GUCA2B: variants seen among roughly 807,000 people sequenced by gnomAD.
The protein encoded by GUCA2B is prepro-uroguanylin.
A neutral mutation model predicts 11.1 loss-of-function variants in GUCA2B; 7 were observed. The observed-to-expected ratio is 0.63, with a 90% CI of 0.36 to 1.18. The LOEUF (loss-of-function observed/expected upper bound fraction) is 1.18. GUCA2B is among the 50% of genes most tolerant of loss of function. GUCA2B has a pLI of 0.02. For missense variants in GUCA2B, 140 were observed against 142.5 expected, an observed-to-expected ratio of 0.98 and a Z score of 0.09; for synonymous variants, 69 against 65.3, an observed-to-expected ratio of 1.06 and a Z score of -0.27.
chr1:42,154,578 C>A, intron 1 of GUCA2B, 102 bp from the exon 2 acceptor site: 1 of 918,596 alleles, frequency 1.1e-6, no homozygotes, highest in South Asian at 1.4e-5. Flanking sequence ...ACGGGGAAGG[C>A]TCTGGAGGAT....
In GUCA2B at chr1:42,154,875, C is replaced by G. The variant is rs759757198; in HGVS notation, c.277+9C>G. 9.4e-6 allele frequency: 15 copies of G among 1,601,518 alleles called. No homozygotes were observed. In the East Asian group the frequency reaches 3.1e-4, roughly 33 times the overall value. On this transcript the variant is annotated intron_variant, in intron 2 of 2. Transcript: ENST00000372581. ...CATCTTCAAGACCCTGAGTAAGTGC[C>G]CCCGCTCCCTGCAGAACCTCGCTCT...
In GUCA2B at chr1:42,155,220, G is replaced by A. The variant is rs375844498; in HGVS notation, c.278-315G>A. On this transcript the variant is annotated intron_variant, in intron 2 of 2. Coordinates refer to ENST00000372581, the MANE Select transcript of GUCA2B (RefSeq NM_007102.3). ...TGAGGGATCGTGCAGAGCCAGGCAC[G>A]AGAATGTAGCAACTAGCTAGCACTT... Among the ~76,000 whole-genome samples, 61 of 152,318 alleles carry A rather than the reference G, an allele frequency of 4.0e-4. No homozygotes were observed. The South Asian group carries it at 0.011, about 28-fold the overall frequency.
rs1280104258 is a variant in GUCA2B at position 42,153,487 on chromosome 1, G to A, written c.37G>A (p.Val13Met). Residue 13 changes from valine (V) to methionine (M), a missense_variant, in exon 1 of 3, where the codon GTG becomes ATG. By Grantham distance (21) the Val-to-Met change is conservative. Coordinates refer to ENST00000372581, the MANE Select transcript of GUCA2B (RefSeq NM_007102.3). The stretch of plus-strand genomic sequence containing the variant: ...GGCTGCATCAGGGCTCCTGCCAGGA[G>A]TGGCCGTGGTCCTCCTGCTGCTGCT... ...CRAASGLLPG[V>M]AVVLLLLLQS... 6.2e-7 allele frequency: 1 copy of A among 1,612,940 alleles called. No individual in the cohort carries two copies. The highest frequency in any genetic ancestry group is 1.7e-5 in the Admixed American group (1 of 60,034).
chr1:42,155,650 A>G lies in GUCA2B; in HGVS notation c.*54A>G, dbSNP rs1569691801. On this transcript the variant is annotated 3_prime_UTR_variant, in exon 3 of 3. Transcript: ENST00000372581. ...GGGACACCTCGCCCTTCAGCCCACC[A>G]CCCTGGCAGGCTTCCATCCCCGTCC... is the stretch of plus-strand genomic sequence containing the variant. The G allele has an allele frequency of 1.5e-6, 2 of 1,368,626 alleles. No homozygotes were observed. The highest frequency in any genetic ancestry group is 1.4e-5 in the African/African-American group (1 of 70,366). 84.8% of individuals were successfully genotyped at this position (1,368,626 alleles called of 1,614,324 possible). A position where few individuals can be genotyped will look rare whatever the true frequency, so the allele number is the denominator to read the frequency against.
At chr1:42,155,479 G>T (rs1646104775) in intron 2 of GUCA2B, 56 bp from the exon 3 acceptor site, 6 of 1,398,470 alleles carry the variant, frequency 4.3e-6, no homozygotes, top group Non-Finnish European at 6.1e-6. Flanking sequence ...CTCTTCTGCT[G>T]CCTGGCCACA....
chr1:42,155,439 G>A (rs1022091200), intron 2 of GUCA2B, 96 bp from the exon 3 acceptor site: 2 of 959,764 alleles, frequency 2.1e-6, no homozygotes, highest in African/African-American at 1.6e-5. Context: ...CTCCCAGTCT[G>A]TGGAAGATGC....
At position 42,153,416 on chromosome 1, in the gene GUCA2B, C is replaced by A; in HGVS notation, c.-35C>A. On this transcript the variant is annotated 5_prime_UTR_variant, in exon 1 of 3. Coordinates refer to ENST00000372581, the MANE Select transcript of GUCA2B (RefSeq NM_007102.3). ...GCTAGGCAGGGACACAGATGGGAGACGGTGGACAGCGGCAGGGGGAACCCA... is the reference window on the plus strand; with the variant it reads ...GCTAGGCAGGGACACAGATGGGAGAAGGTGGACAGCGGCAGGGGGAACCCA... The A allele has an allele frequency of 2.0e-6, 3 of 1,474,370 alleles. No individual in the cohort carries two copies. Among genetic ancestry groups the A allele is most frequent in the Non-Finnish European group, 2.8e-6 (3 of 1,059,410 alleles). The allele number at this position is 1,474,370 out of a possible 1,614,324, so 91.3% of individuals were successfully genotyped here. A position where few individuals can be genotyped will look rare whatever the true frequency, so the allele number is the denominator to read the frequency against.
intron 1 of GUCA2B, 21 bp downstream of exon 1, chr1:42,153,561 T>C: frequency 6.4e-7 from 1 of 1,553,252 alleles, no homozygotes; most frequent in Non-Finnish European, 8.9e-7. Context: ...TGGCCAGCGT[T>C]CCCTTTGCCT....
intron 1 of GUCA2B, 39 bp from the exon 2 acceptor site, chr1:42,154,641 G>T: frequency 1.9e-6 from 3 of 1,560,304 alleles, no homozygotes; most frequent in Non-Finnish European, 2.7e-6. Context: ...CCCTGGACCA[G>T]GTCTTGACCT....
intron 1 of GUCA2B, 49 bp from the exon 2 acceptor site, chr1:42,154,631 C>A (rs1230698672): frequency 6.7e-7 from 1 of 1,486,808 alleles, no homozygotes; most frequent in African/African-American, 1.4e-5. Context: ...CAGTGCCTGC[C>A]CCTGGACCAG....
At chr1:42,153,886 A>G (rs1023998775) in intron 1 of GUCA2B, among the ~76,000 whole-genome samples, 38 of 152,322 alleles carry the variant, frequency 2.5e-4, no homozygotes, top group African/African-American at 8.7e-4. Context: ...AGTTCCGTAT[A>G]TTCACCCACA....
chr1:42,155,449 C>T (rs1646104667), intron 2 of GUCA2B, 86 bp from the exon 3 acceptor site: 2 of 1,041,198 alleles, frequency 1.9e-6, no homozygotes, highest in Admixed American at 3.4e-5. Flanking sequence ...GTGGAAGATG[C>T]CGCCCATTCC....
rs145598813 is a variant in GUCA2B at position 42,155,563 on chromosome 1, G to C, written c.306G>C (p.Leu102=). 19 of 1,613,896 alleles carry C rather than the reference G, an allele frequency of 1.2e-5. 1 individual carries two copies. The highest frequency in any genetic ancestry group is 1.5e-5 in the Non-Finnish European group (18 of 1,179,898). Residue 102 remains leucine (L), a synonymous_variant, in exon 3 of 3, where the codon CTG becomes CTC. Coordinates refer to ENST00000372581, the MANE Select transcript of GUCA2B (RefSeq NM_007102.3). The stretch of plus-strand genomic sequence containing the variant: ...CCATCGCTAACGACGACTGTGAGCT[G>C]TGTGTGAACGTTGCGTGTACCGGCT... The part of the protein sequence containing the change: ...LRTIANDDCE[L]CVNVACTGCL
intron 1 of GUCA2B, 69 bp downstream of exon 1, chr1:42,153,609 G>A (rs903627932): frequency 3.4e-6 from 4 of 1,170,598 alleles, no homozygotes; most frequent in Admixed American, 1.8e-5. Flanking sequence ...TGGAGAGGGT[G>A]TACTGGGAAT....
At chr1:42,155,333 G>A (rs1281542906) in intron 2 of GUCA2B, among the ~76,000 whole-genome samples, 1 of 152,228 alleles carries the variant, frequency 6.6e-6, no homozygotes, top group African/African-American at 2.4e-5. Context: ...AGAAATCTCA[G>A]GCACAGGGAG....
Position 42,154,823 on chromosome 1 carries a change from T to C in GUCA2B, c.234T>C (p.Pro78=), listed in dbSNP as rs779795049. Residue 78 remains proline (P), a synonymous_variant, in exon 2 of 3, where the codon CCT becomes CCC. Coordinates refer to ENST00000372581, the MANE Select transcript of GUCA2B (RefSeq NM_007102.3). ...CTGCTCTGCCTCAGGACCTTCAGCC[T>C]GTCTGCGCCTCGCAGGAGGCTTCCA... The part of the protein sequence containing the change: ...HHPALPQDLQ[P]VCASQEASSI... 8.7e-6 allele frequency: 14 copies of C among 1,614,008 alleles called. No individual in the cohort carries two copies. The highest frequency in any genetic ancestry group is 1.7e-5 in the Admixed American group (1 of 60,014).
Position 42,154,752 on chromosome 1 carries a change from C to G in GUCA2B, c.163C>G (p.Pro55Ala). The change falls in exon 2 of 3, where the codon CCC becomes GCC. Residue 55 changes from proline (P) to alanine (A), a missense_variant. Pro to Ala is a conservative substitution (Grantham distance 27). Transcript: ENST00000372581. ...CCTGGAGGCACAGTGGGCACCCAGC[C>G]CCCGCCTGCAGGCCCAGAGCCTCCT... Reference protein sequence around the residue: ...SDLEAQWAPSPRLQAQSLLPA... With the variant: ...SDLEAQWAPSARLQAQSLLPA... 17 of 1,613,988 alleles carry G rather than the reference C, an allele frequency of 1.1e-5. No homozygotes were observed. Among genetic ancestry groups the G allele is most frequent in the Non-Finnish European group, 1.4e-5 (17 of 1,179,834 alleles).
intron 2 of GUCA2B, 88 bp downstream of exon 2, chr1:42,154,954 G>A: frequency 9.6e-7 from 1 of 1,044,892 alleles, no homozygotes; most frequent in Non-Finnish European, 1.4e-6. Flanking sequence ...TAAGCACCCA[G>A]CGGCTGAGGA....
At chr1:42,154,656 C>T in intron 1 of GUCA2B, 24 bp from the exon 2 acceptor site, 1 of 1,605,550 alleles carries the variant, frequency 6.2e-7, no homozygotes, top group Non-Finnish European at 8.5e-7. Flanking sequence ...TGACCTGCTC[C>T]TATCTCCTCT....
Sources: allele counts gnomAD v4.1 joint callset (sites outside exome capture counted in the v4.1 genomes callset), GRCh38; gene constraint gnomAD v4.1.1; transcripts MANE v1.5; gene names NCBI Gene and HGNC (gene_info 2026-07-23, HGNC 2026-07-21).